Variants in KCNQ1 observed in about 807,000 individuals in gnomAD.
KCNQ1 encodes the protein potassium voltage-gated channel subfamily KQT member 1.
KCNQ1 carries 49 observed loss-of-function variants against 72.4 expected under a neutral mutation model. The ratio of observed to expected loss-of-function variants is 0.68; its 90% CI spans 0.54 to 0.86. KCNQ1 has a LOEUF of 0.86. Among genes scored for constraint, KCNQ1 ranks in the 40% least tolerant of loss-of-function variants. The pLI is 0.00. For synonymous variants in KCNQ1, 450 were observed against 412.6 expected (o/e 1.09, Z -1.10); for missense variants, 790 against 945.1 (o/e 0.84, Z 2.15).
In KCNQ1 at chr11:2,623,049, A is replaced by C; in HGVS notation, c.1393+34195A>C. The stretch of plus-strand genomic sequence containing the variant: ...CAGGGGAGGGGCCTGGTGGGGGGCA[A>C]ACTTCCCCCTTGCTGTTCTCATGAT... On this transcript the variant is annotated intron_variant, in intron 10 of 15. Transcript: ENST00000155840. This position sits in a 1 kb window ranked among gnomAD's most constrained non-coding sequence, Gnocchi z 5.2. 1 of 398,544 alleles carries C rather than the reference A, an allele frequency of 2.5e-6. No homozygotes were observed. 24.7% of individuals were successfully genotyped at this position (398,544 alleles called of 1,614,324 possible).
At position 2,848,259 on chromosome 11, in the gene KCNQ1, T is replaced by A; in HGVS notation, c.*256T>A. 3.1e-6 allele frequency: 2 copies of A among 644,336 alleles called. No individual in the cohort carries two copies. Among genetic ancestry groups the A allele is most frequent in the South Asian group, 3.3e-5 (2 of 60,720 alleles). 39.9% of individuals were successfully genotyped at this position (644,336 alleles called of 1,614,324 possible). On this transcript the variant is annotated 3_prime_UTR_variant, in exon 16 of 16. Coordinates refer to ENST00000155840, the MANE Select transcript of KCNQ1 (RefSeq NM_000218.3). ...TACCCCAAGCGCCCTGGCCCCCACA[T>A]GGTGATGTTGACATCACTGGCATGG...
rs77919818 is a variant in KCNQ1 at position 2,806,786 on chromosome 11, C to T, written c.1794+28749C>T. Among the ~76,000 whole-genome samples, 289 of 152,356 alleles carry T rather than the reference C, an allele frequency of 1.9e-3. 2 individuals carry two copies. Among genetic ancestry groups the T allele is most frequent in the African/African-American group, 6.7e-3 (280 of 41,588 alleles). On this transcript the variant is annotated intron_variant, in intron 15 of 15. Transcript: ENST00000155840. Reference sequence around the variant, plus strand: ...GGGTGGCCCCCACCTGACCCCTCCCCGCCCCTCTCTTGTGCCCTGAGAGAA... The same window carrying T: ...GGGTGGCCCCCACCTGACCCCTCCCTGCCCCTCTCTTGTGCCCTGAGAGAA...
chr11:2,624,024 A>T lies in KCNQ1; in HGVS notation c.1393+35170A>T, dbSNP rs1393996006. The T allele has an allele frequency of 5.0e-6, 2 of 399,142 alleles. No individual in the cohort carries two copies. Among genetic ancestry groups the T allele is most frequent in the Non-Finnish European group, 8.8e-6 (2 of 226,550 alleles). The allele number at this position is 399,142 out of a possible 1,614,324, so 24.7% of individuals were successfully genotyped here. A position where few individuals can be genotyped will look rare whatever the true frequency, so the allele number is the denominator to read the frequency against. Reference sequence around the variant, plus strand: ...TGTCAAAGTGGCTGTACCATTTTGCATTCCCACCAGCAATGGATGAGTGTT... The same window carrying T: ...TGTCAAAGTGGCTGTACCATTTTGCTTTCCCACCAGCAATGGATGAGTGTT... On this transcript the variant is annotated intron_variant, in intron 10 of 15. Transcript: ENST00000155840. The surrounding 1 kb of genome is among the most constrained non-coding windows in gnomAD (Gnocchi z 4.9).
chr11:2,728,971 A>G (rs1739402937), intron 11 of KCNQ1, among the ~76,000 whole-genome samples: 1 of 152,220 alleles, frequency 6.6e-6, no homozygotes. Flanking sequence ...TAAGGTGTTG[A>G]TTGGTTCTGG....
At position 2,766,900 on chromosome 11, in the gene KCNQ1, C is replaced by T. The variant is rs940132989; in HGVS notation, c.1515-1944C>T. Among the ~76,000 whole-genome samples, 1 of 152,132 alleles carries T rather than the reference C, an allele frequency of 6.6e-6. No individual in the cohort carries two copies. Among genetic ancestry groups the T allele is most frequent in the Non-Finnish European group, 1.5e-5 (1 of 68,020 alleles). ...GTGGCTTCAAATATTTTCTTTGGGCCGGGCATGGTGGCTCATGCCTGTAAT... is the reference window on the plus strand; with the variant it reads ...GTGGCTTCAAATATTTTCTTTGGGCTGGGCATGGTGGCTCATGCCTGTAAT... On this transcript the variant is annotated intron_variant, in intron 11 of 15. Transcript: ENST00000155840. The surrounding 1 kb of genome is among the most constrained non-coding windows in gnomAD (Gnocchi z 4.4).
chr11:2,514,676 A>C (rs182247992), intron 1 of KCNQ1, among the ~76,000 whole-genome samples: 149 of 152,338 alleles, frequency 9.8e-4, no homozygotes, highest in African/African-American at 3.4e-3. Flanking sequence ...AATACAAAAA[A>C]TTAGCCCGGC....
chr11:2,519,190 G>A (rs564958955), intron 1 of KCNQ1, among the ~76,000 whole-genome samples: 24 of 152,302 alleles, frequency 1.6e-4, no homozygotes, highest in South Asian at 4.1e-4. Flanking sequence ...TACTCCCGAC[G>A]TGGCAGCTGC....
At chr11:2,805,546 A>G (rs1433848540) in intron 15 of KCNQ1, among the ~76,000 whole-genome samples, 4 of 152,180 alleles carry the variant, frequency 2.6e-5, no homozygotes, top group Non-Finnish European at 4.4e-5. Context: ...AAGTTTTAAT[A>G]GCACATAGCC....
At chr11:2,568,789 A>G (rs527530085) in intron 2 of KCNQ1, among the ~76,000 whole-genome samples, 1 of 152,332 alleles carries the variant, frequency 6.6e-6, no homozygotes, top group East Asian at 1.9e-4. Flanking sequence ...CCTGGTCCCC[A>G]GGAGCTGAGG....
chr11:2,461,364 C>T (rs1045344034), intron 1 of KCNQ1: 27 of 1,190,592 alleles, frequency 2.3e-5, no homozygotes, highest in South Asian at 1.6e-4. Flanking sequence ...AAGCTCTGTC[C>T]GGGAAGGGAA....
intron 11 of KCNQ1, among the ~76,000 whole-genome samples, chr11:2,727,791 C>T (rs1845790420): frequency 6.6e-6 from 1 of 152,142 alleles, no homozygotes; most frequent in South Asian, 2.1e-4. Context: ...TGTCGATGTA[C>T]AACACCAAGC....
At position 2,695,436 on chromosome 11, in the gene KCNQ1, G is replaced by C. The variant is rs1299978789; in HGVS notation, c.1514+33355G>C. 2 of 398,314 alleles carry C rather than the reference G, an allele frequency of 5.0e-6. No homozygotes were observed. Among genetic ancestry groups the C allele is most frequent in the Non-Finnish European group, 4.4e-6 (1 of 226,092 alleles). The allele number at this position is 398,314 out of a possible 1,614,324, so 24.7% of individuals were successfully genotyped here. A position where few individuals can be genotyped will look rare whatever the true frequency, so the allele number is the denominator to read the frequency against. On this transcript the variant is annotated intron_variant, in intron 11 of 15. Transcript: ENST00000155840. This position sits in a 1 kb window ranked among gnomAD's most constrained non-coding sequence, Gnocchi z 5.2. ...ATGTACTGAGGCCCTCTTTCTGTTTGGCATTTGTGTCACTCAGCACTGTGT... is the reference window on the plus strand; with the variant it reads ...ATGTACTGAGGCCCTCTTTCTGTTTCGCATTTGTGTCACTCAGCACTGTGT...
At chr11:2,461,506 GC>G (rs1846277345) in intron 1 of KCNQ1, 1 of 1,318,022 alleles carries the variant, frequency 7.6e-7, no homozygotes, top group Non-Finnish European at 9.9e-7. Flanking sequence ...CTGTCTTTGC[GC>G]CTGCACATGT....
intron 10 of KCNQ1, chr11:2,614,748 T>G: frequency 2.5e-6 from 1 of 398,480 alleles, no homozygotes. Context: ...CATCCTTGTG[T>G]CCTAGAGACC....
At chr11:2,842,027 C>G (rs559079031) in intron 15 of KCNQ1, among the ~76,000 whole-genome samples, 1 of 152,310 alleles carries the variant, frequency 6.6e-6, no homozygotes, top group East Asian at 1.9e-4. Context: ...AGGACATAAC[C>G]GACCATGAGC....
Position 2,603,132 on chromosome 11 carries a change from T to A in KCNQ1, c.1393+14278T>A. Among the ~76,000 whole-genome samples the A allele has an allele frequency of 6.6e-6, 1 of 152,236 alleles. No individual in the cohort carries two copies. The highest frequency in any genetic ancestry group is 1.9e-4 in the East Asian group (1 of 5,202). The stretch of plus-strand genomic sequence containing the variant: ...CAGAGATATTGTGGTTCGGTTCCAG[T>A]ACACTGCAATGAAGCAAATATTGCA... On this transcript the variant is annotated intron_variant, in intron 10 of 15. Transcript: ENST00000155840. The surrounding 1 kb of genome is among the most constrained non-coding windows in gnomAD (Gnocchi z 4.1).
chr11:2,684,668 T>A (rs1378216200), intron 11 of KCNQ1: 2 of 398,658 alleles, frequency 5.0e-6, no homozygotes, highest in African/African-American at 2.1e-5. Context: ...TTGTTGGATG[T>A]GCAGGGAGCT....
At position 2,473,868 on chromosome 11, in the gene KCNQ1, C is replaced by T. The variant is rs2133601761; in HGVS notation, c.386+28384C>T. Among the ~76,000 whole-genome samples, 1 of 152,374 alleles carries T rather than the reference C, an allele frequency of 6.6e-6. No individual in the cohort carries two copies. The highest frequency in any genetic ancestry group is 2.1e-4 in the South Asian group (1 of 4,834). On this transcript the variant is annotated intron_variant, in intron 1 of 15. Coordinates refer to ENST00000155840, the MANE Select transcript of KCNQ1 (RefSeq NM_000218.3). The surrounding 1 kb of genome is among the most constrained non-coding windows in gnomAD (Gnocchi z 6.0). ...GACAGCCGCATGCGCTCACCACTCG[C>T]CCTCCACAGATGGGAGCCTGGGAGA...
Position 2,612,861 on chromosome 11 carries a change from A to G in KCNQ1, c.1393+24007A>G, listed in dbSNP as rs375980864. 1 of 398,418 alleles carries G rather than the reference A, an allele frequency of 2.5e-6. No homozygotes were observed. The highest frequency in any genetic ancestry group is 2.1e-5 in the African/African-American group (1 of 48,594). 24.7% of individuals were successfully genotyped at this position (398,418 alleles called of 1,614,324 possible). The stretch of plus-strand genomic sequence containing the variant: ...ATATATCGTAGAAACTCTGGATTCT[A>G]GTTCTTCTCCCTAACCAGGGATGAT... On this transcript the variant is annotated intron_variant, in intron 10 of 15. Coordinates refer to ENST00000155840, the MANE Select transcript of KCNQ1 (RefSeq NM_000218.3). This position sits in a 1 kb window ranked among gnomAD's most constrained non-coding sequence, Gnocchi z 5.5.
Sources: allele counts gnomAD v4.1 joint callset (sites outside exome capture counted in the v4.1 genomes callset), GRCh38; gene constraint gnomAD v4.1.1; non-coding constraint Gnocchi (gnomAD v3.1); transcripts MANE v1.5; gene names NCBI Gene and HGNC (gene_info 2026-07-23, HGNC 2026-07-21).